The following SETD2 variants were observed in gnomAD, a reference collection of about 807,000 sequenced individuals.
SETD2 encodes SET domain containing 2, histone lysine methyltransferase.
SETD2 carries 31 observed loss-of-function variants against 242.1 expected under a neutral mutation model. The observed-to-expected ratio is 0.13, with a 90% CI of 0.10 to 0.17. SETD2 has a LOEUF of 0.17. SETD2 is among the 10% of genes least tolerant of loss of function. SETD2 has a pLI of 1.00. For synonymous variants in SETD2, 1,006 were observed against 1,066.5 expected (o/e 0.94, Z 1.11); for missense variants, 2,481 against 3,046.3 (o/e 0.81, Z 4.37).
intron 18 of SETD2, among the ~76,000 whole-genome samples, chr3:47,034,990 G>A (rs1430218136): frequency 2.0e-5 from 3 of 152,186 alleles, no homozygotes; most frequent in African/African-American, 2.4e-5. Context: ...ATACTTTCAA[G>A]AGCCTACTCC....
intron 18 of SETD2, among the ~76,000 whole-genome samples, chr3:47,036,270 T>TA (rs776647508): frequency 6.6e-5 from 10 of 152,308 alleles, no homozygotes; most frequent in Admixed American, 2.6e-4. Flanking sequence ...AGACACTTCA[T>TA]ACGGTCAGCT....
intron 12 of SETD2, among the ~76,000 whole-genome samples, chr3:47,078,961 C>T (rs574786814): frequency 6.6e-6 from 1 of 152,096 alleles, no homozygotes; most frequent in African/African-American, 2.4e-5. Context: ...AACTCCTGGG[C>T]TCAAATGATC....
rs1302415764 is a variant in SETD2, at chr3:47,017,070, A to G, written c.*23T>C. On this transcript the variant is annotated 3_prime_UTR_variant, in exon 21 of 21. Coordinates refer to ENST00000409792, the MANE Select transcript of SETD2 (RefSeq NM_014159.7). This position sits in a 1 kb window ranked among gnomAD's most constrained non-coding sequence, Gnocchi z 4.8. ...TAGAGTCTGTCTTACCTGACCACCC[A>G]TCCTCCCACCCTGGCCCAACAGTCA... is the stretch of plus-strand genomic sequence containing the variant. The G allele has an allele frequency of 6.2e-7, 1 of 1,612,620 alleles. No individual in the cohort carries two copies. The highest frequency in any genetic ancestry group is 8.5e-7 in the Non-Finnish European group (1 of 1,178,998).
chr3:47,020,280 G>T (rs1361216724), intron 18 of SETD2, among the ~76,000 whole-genome samples: 1 of 152,140 alleles, frequency 6.6e-6, no homozygotes, highest in East Asian at 1.9e-4. Context: ...TTCCTCCAAA[G>T]GTGGAGTTGG....
At chr3:47,151,332 T>C (rs939288618) in intron 1 of SETD2, among the ~76,000 whole-genome samples, 1 of 152,090 alleles carries the variant, frequency 6.6e-6, no homozygotes, top group African/African-American at 2.4e-5. Context: ...TAAAAATACA[T>C]ATATAAAAAC....
At chr3:47,062,078 T>G in intron 14 of SETD2, 85 bp downstream of exon 14, 1 of 1,248,162 alleles carries the variant, frequency 8.0e-7, no homozygotes, top group Non-Finnish European at 1.1e-6. Flanking sequence ...CCCTTGATGT[T>G]CACAATCAGA....
chr3:47,068,948 C>A (rs1190366134), intron 12 of SETD2, among the ~76,000 whole-genome samples: 1 of 151,694 alleles, frequency 6.6e-6, no homozygotes, highest in Non-Finnish European at 1.5e-5. Context: ...GTGCATGCCA[C>A]CATGCTTGGC....
chr3:47,107,461 G>GTA (rs58371254), intron 5 of SETD2, among the ~76,000 whole-genome samples: 6,422 of 152,052 alleles, frequency 0.042, 460 homozygotes, highest in African/African-American at 0.15. Context: ...TATAGTGGAT[G>GTA]TATATATATA....
At chr3:47,161,612 T>C (rs1697489973) in intron 1 of SETD2, among the ~76,000 whole-genome samples, 1 of 152,114 alleles carries the variant, frequency 6.6e-6, no homozygotes, top group Admixed American at 6.6e-5. Flanking sequence ...ACAAAAAACA[T>C]GTTACAATTC....
Position 47,057,100 on chromosome 3 carries a change from A to G in SETD2, c.6684T>C (p.His2228=), listed in dbSNP as rs2107575852. The G allele has an allele frequency of 3.1e-6, 5 of 1,614,234 alleles. No homozygotes were observed. The highest frequency in any genetic ancestry group is 4.2e-6 in the Non-Finnish European group (5 of 1,180,032). The change falls in exon 15 of 21, where the codon CAT becomes CAC. Residue 2228 remains histidine (H), a synonymous_variant. Coordinates refer to ENST00000409792, the MANE Select transcript of SETD2 (RefSeq NM_014159.7). ...TGGAAACTTCCACAGGAGCTGCCAC[A>G]TGTGGCACCACTGGTACTGGTGGAG... The part of the protein sequence containing the change: ...SAPPPVPVVP[H]VAAPVEVSSS...
chr3:47,017,117 G>A lies in SETD2; in HGVS notation c.7671C>T (p.Pro2557=), dbSNP rs2107484503. The A allele has an allele frequency of 6.2e-7, 1 of 1,614,076 alleles. No homozygotes were observed. The highest frequency in any genetic ancestry group is 1.6e-4 in the Middle Eastern group (1 of 6,062). The change falls in exon 21 of 21, where the codon CCC becomes CCT. Residue 2557 remains proline (P), a synonymous_variant. Transcript: ENST00000409792. The surrounding 1 kb of genome is among the most constrained non-coding windows in gnomAD (Gnocchi z 4.8). ...GTCACTCTAATTCAGTGTCCTCTTT[G>A]GGTTTGTAAACAGCCCCAAACTTCT... ...YMQKFGAVYK[P]KEDTELE
chr3:47,018,231 C>T (rs957116200), intron 19 of SETD2, among the ~76,000 whole-genome samples: 1 of 152,158 alleles, frequency 6.6e-6, no homozygotes, highest in Non-Finnish European at 1.5e-5. Context: ...CAGATGGAAG[C>T]ATGATATGAC....
intron 12 of SETD2, among the ~76,000 whole-genome samples, chr3:47,081,520 A>G (rs1052732074): frequency 6.6e-6 from 1 of 152,250 alleles, no homozygotes; most frequent in Non-Finnish European, 1.5e-5. Flanking sequence ...GAAGTCAGAC[A>G]GAAGTAGTTA....
Position 47,121,524 on chromosome 3 carries a change from A to G in SETD2, c.3112T>C (p.Tyr1038His), listed in dbSNP as rs1241292221. Reference protein sequence around the residue: ...PEIVSTVHEDYSGSSESSNDE... With the variant: ...PEIVSTVHEDHSGSSESSNDE... ...TTTGAACTTTCAGAAGAGCCAGAAT[A>G]ATCTTCATGAACTGTAGACACAATT... The change falls in exon 3 of 21, where the codon TAT becomes CAT. Residue 1038 changes from tyrosine to histidine, a missense_variant. Coordinates refer to ENST00000409792, the MANE Select transcript of SETD2 (RefSeq NM_014159.7). 1 of 1,614,168 alleles carries G rather than the reference A, an allele frequency of 6.2e-7. No individual in the cohort carries two copies. Among genetic ancestry groups the G allele is most frequent in the African/African-American group, 1.3e-5 (1 of 75,070 alleles).
intron 6 of SETD2, among the ~76,000 whole-genome samples, chr3:47,105,431 A>T (rs1234299819): frequency 1.4e-5 from 2 of 144,702 alleles, no homozygotes; most frequent in Non-Finnish European, 3.0e-5. Context: ...AAAAAAAGGC[A>T]CTCTGGGGGT....
At chr3:47,159,948 C>A (rs1479780583) in intron 1 of SETD2, among the ~76,000 whole-genome samples, 2 of 151,336 alleles carry the variant, frequency 1.3e-5, no homozygotes, top group Non-Finnish European at 2.9e-5. Flanking sequence ...GCACTCCAGC[C>A]TGGGGGACAG....
chr3:47,046,345 AAT>A lies in SETD2; in HGVS notation c.7098+140_7098+141del, dbSNP rs1271411844. On this transcript the variant is annotated intron_variant, in intron 16 of 20. Coordinates refer to ENST00000409792, the MANE Select transcript of SETD2 (RefSeq NM_014159.7). ...GAGCGAGACTCTGTCTCAAAAAAAA[AAT>A]AAAATAAAATAAAATAAAACAAAGA... The A allele has an allele frequency of 2.2e-3, 1,448 of 644,304 alleles. 3 individuals carry two copies. The highest frequency in any genetic ancestry group is 0.011 in the African/African-American group (579 of 51,778). 39.9% of individuals were successfully genotyped at this position (644,304 alleles called of 1,614,324 possible).
In SETD2 at chr3:47,084,075, C is replaced by A. The variant is rs757216690; in HGVS notation, c.5705G>T (p.Gly1902Val). Reference protein sequence around the residue: ...AISDATSELEGKDGKEDLDQL... With the variant: ...AISDATSELEVKDGKEDLDQL... ...ATCAAGATCCTCTTTGCCATCCTTGCCTTCTAGCTCACTGGTTGCATCAGA... is the reference window on the plus strand; with the variant it reads ...ATCAAGATCCTCTTTGCCATCCTTGACTTCTAGCTCACTGGTTGCATCAGA... The change falls in exon 12 of 21, where the codon GGC becomes GTC. Residue 1902 changes from glycine to valine, a missense_variant. This residue lies in a region of SETD2 where 203 missense variants were observed against 222.4 expected (regional missense o/e 0.91). Coordinates refer to ENST00000409792, the MANE Select transcript of SETD2 (RefSeq NM_014159.7). The A allele has an allele frequency of 6.2e-7, 1 of 1,614,188 alleles. No homozygotes were observed. Among genetic ancestry groups the A allele is most frequent in the Non-Finnish European group, 8.5e-7 (1 of 1,180,024 alleles).
chr3:47,086,863 T>C (rs1290557460), intron 10 of SETD2, among the ~76,000 whole-genome samples: 1 of 151,654 alleles, frequency 6.6e-6, no homozygotes. Context: ...GCAAGACCCT[T>C]ATCTCTACAA....
Sources: gnomAD v4.1 joint callset for allele counts (sites outside exome capture counted in the v4.1 genomes callset) on GRCh38, gnomAD v4.1.1 for gene constraint, gnomAD v4.1.1 regional missense constraint, Gnocchi (gnomAD v3.1) non-coding constraint, MANE v1.5 for transcripts, NCBI Gene and HGNC (gene_info 2026-07-23, HGNC 2026-07-21) for gene names.